FRMD6: variants seen among roughly 807,000 people sequenced by gnomAD.
FRMD6 encodes the protein FERM domain containing 6.
A neutral mutation model predicts 73.2 loss-of-function variants in FRMD6; 37 were observed. That is an observed-to-expected ratio of 0.51 (90% CI 0.39 to 0.66). The LOEUF is 0.66. Ranked by LOEUF, FRMD6 falls within the 30% of genes least tolerant of loss-of-function variation. The pLI, the probability that FRMD6 is intolerant of heterozygous loss-of-function variation, is 0.00. For synonymous variants in FRMD6, 273 were observed against 282.2 expected (o/e 0.97, Z 0.33); for missense variants, 714 against 780.5 (o/e 0.91, Z 1.02).
the FRMD6 span, among the ~76,000 whole-genome samples, chr14:51,478,001 G>C: frequency 6.6e-6 from 1 of 152,090 alleles, no homozygotes; most frequent in Non-Finnish European, 1.5e-5. Context: ...GCCTCCCAAA[G>C]TGCTAGGATT....
the FRMD6 span, among the ~76,000 whole-genome samples, chr14:51,443,079 C>T: frequency 3.9e-5 from 6 of 152,182 alleles, no homozygotes; most frequent in Non-Finnish European, 5.9e-5. Flanking sequence ...TTTAATCTTA[C>T]GTGCATCATC....
chr14:51,528,660 CA>C (rs553062031), intron 1 of FRMD6, among the ~76,000 whole-genome samples: 6 of 146,978 alleles, frequency 4.1e-5, no homozygotes, highest in Admixed American at 1.4e-4. Flanking sequence ...TGTGTTTGCT[CA>C]AAAAAAAAAG....
At chr14:51,666,406 C>T (rs981317307) in intron 1 of FRMD6, among the ~76,000 whole-genome samples, 1 of 152,022 alleles carries the variant, frequency 6.6e-6, no homozygotes, top group African/African-American at 2.4e-5. Flanking sequence ...TGATACCTTC[C>T]CTTTTGAAGC....
At chr14:51,597,334 C>A (rs773010517) in intron 2 of FRMD6, among the ~76,000 whole-genome samples, 1 of 152,212 alleles carries the variant, frequency 6.6e-6, no homozygotes, top group African/African-American at 2.4e-5. Context: ...AGGAGATTGA[C>A]CCTAGCTAAA....
Position 51,609,907 on chromosome 14 carries a change from C to T in FRMD6, c.-147+39497C>T, listed in dbSNP as rs574070987. 2.0e-5 allele frequency among the ~76,000 whole-genome samples: 3 copies of T among 152,254 alleles called. No individual in the cohort carries two copies. In the East Asian group the frequency reaches 5.8e-4, roughly 29 times the overall value. ...ACAAAGTTTCAGGGCTTGAAGAATCCGAAGCCCATTCCTCTGCTCTGCTCA... is the reference window on the plus strand; with the variant it reads ...ACAAAGTTTCAGGGCTTGAAGAATCTGAAGCCCATTCCTCTGCTCTGCTCA... On this transcript the variant is annotated intron_variant, in intron 2 of 14. Coordinates refer to the FRMD6 transcript ENST00000356218.
At chr14:51,725,349 C>T (rs546083959) in intron 12 of FRMD6, among the ~76,000 whole-genome samples, 29 of 152,242 alleles carry the variant, frequency 1.9e-4, no homozygotes, top group African/African-American at 6.7e-4. Flanking sequence ...CACCACTATA[C>T]ATCCAAGCCG....
intron 1 of FRMD6, among the ~76,000 whole-genome samples, chr14:51,490,770 G>A (rs1290048342): frequency 6.6e-6 from 1 of 152,158 alleles, no homozygotes; most frequent in East Asian, 1.9e-4. Flanking sequence ...GAAACTGCTT[G>A]TGTACTGACC....
At chr14:51,642,395 T>C (rs1950921) in intron 2 of FRMD6, among the ~76,000 whole-genome samples, 111,547 of 152,024 alleles carry the variant, frequency 0.73, 41,541 homozygotes, top group Non-Finnish European at 0.8. Context: ...GAAAAATTAG[T>C]CAGGTGTGGC....
the FRMD6 span, chr14:51,454,769 A>C: frequency 6.6e-6 from 1 of 152,102 alleles, no homozygotes; most frequent in African/African-American, 2.4e-5. Flanking sequence ...ACTGCAAAGG[A>C]AGGGTCTTGG....
chr14:51,437,699 C>T, the FRMD6 span, among the ~76,000 whole-genome samples: 1 of 152,056 alleles, frequency 6.6e-6, no homozygotes, highest in Admixed American at 6.6e-5. Context: ...TCGCCCTGTT[C>T]TTGAGATCTC....
chr14:51,482,977 C>T, the FRMD6 span, among the ~76,000 whole-genome samples: 1 of 152,144 alleles, frequency 6.6e-6, no homozygotes, highest in Non-Finnish European at 1.5e-5. Flanking sequence ...GCTGGGATGA[C>T]AAGCGTGAGC....
chr14:51,616,831 G>A (rs1245400659), intron 2 of FRMD6, among the ~76,000 whole-genome samples: 1 of 152,220 alleles, frequency 6.6e-6, no homozygotes, highest in East Asian at 1.9e-4. Context: ...CAAGCCACTT[G>A]GAGAAGCAAA....
intron 1 of FRMD6, among the ~76,000 whole-genome samples, chr14:51,657,653 C>A (rs141619725): frequency 2.1e-4 from 32 of 152,080 alleles, no homozygotes; most frequent in African/African-American, 7.7e-4. Context: ...CTTTTGATGG[C>A]TCTAAAAAAT....
intron 1 of FRMD6, among the ~76,000 whole-genome samples, chr14:51,513,118 C>T (rs1264059139): frequency 6.6e-6 from 1 of 152,186 alleles, no homozygotes; most frequent in African/African-American, 2.4e-5. Context: ...GAGTGCCCCA[C>T]CCTCAGGGCC....
the FRMD6 span, among the ~76,000 whole-genome samples, chr14:51,422,819 G>A: frequency 1.1e-4 from 17 of 152,332 alleles, no homozygotes; most frequent in East Asian, 3.3e-3. Context: ...GGGATAGGAT[G>A]AAGTTGTTAG....
At chr14:51,658,804 A>G (rs1222629361) in intron 1 of FRMD6, among the ~76,000 whole-genome samples, 1 of 152,216 alleles carries the variant, frequency 6.6e-6, no homozygotes, top group African/African-American at 2.4e-5. Context: ...ATGTTTCCCT[A>G]AAGAATAAAG....
At chr14:51,528,756 T>C (rs1885405524) in intron 1 of FRMD6, among the ~76,000 whole-genome samples, 1 of 152,164 alleles carries the variant, frequency 6.6e-6, no homozygotes, top group Admixed American at 6.5e-5. Flanking sequence ...TATCCTGTGG[T>C]TCTTTTATAT....
chr14:51,561,018 C>T (rs1011385860), intron 1 of FRMD6, among the ~76,000 whole-genome samples: 2 of 152,230 alleles, frequency 1.3e-5, no homozygotes, highest in African/African-American at 2.4e-5. Context: ...TCTTAAGCCC[C>T]TCTTCCTGCT....
chr14:51,453,544 A>G, the FRMD6 span, among the ~76,000 whole-genome samples: 8 of 152,248 alleles, frequency 5.3e-5, no homozygotes, highest in Non-Finnish European at 1.2e-4. Context: ...CAGTTTTTGG[A>G]AAACTTTAGT....
Sources: allele counts gnomAD v4.1 joint callset (sites outside exome capture counted in the v4.1 genomes callset), GRCh38; gene constraint gnomAD v4.1.1; transcripts MANE v1.5; gene names NCBI Gene and HGNC (gene_info 2026-07-23, HGNC 2026-07-21).